The following AMELY variants were observed in gnomAD, a reference collection of about 807,000 sequenced individuals.
The protein encoded by AMELY is amelogenin Y-linked, also known as amelogenin, Y isoform.
AMELY carries 4 observed loss-of-function variants against 4.2 expected under a neutral mutation model. The ratio of observed to expected loss-of-function variants is 0.96; its 90% CI spans 0.47 to 2.19. The LOEUF is 2.19. Ranked by LOEUF, AMELY falls within the 30% of genes most tolerant of loss-of-function variation. The pLI is 0.02. For missense variants in AMELY, 32 were observed against 41.5 expected, an observed-to-expected ratio of 0.77 and a Z score of 0.63; for synonymous variants, 11 against 14.7, an observed-to-expected ratio of 0.75 and a Z score of 0.57.
chrY:6,892,401 C>G, intron 1 of AMELY, among the ~76,000 whole-genome samples: 3 of 33,267 alleles, frequency 9.0e-5, no homozygotes, highest in Non-Finnish European at 2.2e-4. Context: ...TTCTACCACC[C>G]ATTTAGGAGG....
At chrY:6,881,373 G>A (rs2054074863) in intron 1 of AMELY, among the ~76,000 whole-genome samples, 1 of 33,276 alleles carries the variant, frequency 3.0e-5, no homozygotes, top group South Asian at 6.8e-4. Context: ...ATGCAGAAAA[G>A]GCCTTCGACA....
intron 1 of AMELY, among the ~76,000 whole-genome samples, chrY:6,893,894 A>G (rs2054084898): frequency 3.0e-5 from 1 of 33,200 alleles, no homozygotes; most frequent in African/African-American, 1.2e-4. Context: ...TAGACTGTGT[A>G]CTACAAAAAA....
chrY:6,898,605 G>A (rs2054087363), intron 1 of AMELY, among the ~76,000 whole-genome samples: 1 of 33,266 alleles, frequency 3.0e-5, no homozygotes, highest in Non-Finnish European at 7.4e-5. Flanking sequence ...CCAGTTCAGC[G>A]ATTCAAATGC....
intron 1 of AMELY, among the ~76,000 whole-genome samples, 173 bp downstream of exon 1, chrY:6,911,500 C>G (rs924246131): frequency 2.9e-5 from 1 of 34,195 alleles, no homozygotes; most frequent in Admixed American, 2.5e-4. Flanking sequence ...CTAGGCGGCT[C>G]GGGCCCGCGG....
intron 1 of AMELY, among the ~76,000 whole-genome samples, chrY:6,878,600 G>C: frequency 6.0e-5 from 2 of 33,456 alleles, no homozygotes; most frequent in Non-Finnish European, 1.5e-4. Flanking sequence ...TGAGTGTCAA[G>C]TATTTCAGGC....
intron 1 of AMELY, among the ~76,000 whole-genome samples, chrY:6,885,253 G>C: frequency 9.1e-5 from 3 of 32,818 alleles, no homozygotes; most frequent in African/African-American, 3.5e-4. Flanking sequence ...GCCAAGGGGG[G>C]CGGATCACGA....
chrY:6,886,946 A>C (rs2054080454), intron 1 of AMELY, among the ~76,000 whole-genome samples: 2 of 33,879 alleles, frequency 5.9e-5, no homozygotes, highest in African/African-American at 2.3e-4. Flanking sequence ...AAGTCAATTA[A>C]GAAGAGTCTT....
chrY:6,894,716 G>A, intron 1 of AMELY, among the ~76,000 whole-genome samples: 1 of 33,511 alleles, frequency 3.0e-5, no homozygotes, highest in African/African-American at 1.2e-4. Flanking sequence ...AGCTGGATCA[G>A]CAGCCATCAG....
intron 1 of AMELY, among the ~76,000 whole-genome samples, chrY:6,891,625 T>G: frequency 3.0e-5 from 1 of 33,717 alleles, no homozygotes; most frequent in African/African-American, 1.2e-4. Flanking sequence ...TGACTTTCTC[T>G]TCCATAAGGT....
chrY:6,896,756 T>A, intron 1 of AMELY, among the ~76,000 whole-genome samples: 1 of 32,855 alleles, frequency 3.0e-5, no homozygotes, highest in Non-Finnish European at 7.5e-5. Context: ...AGGATTGAAG[T>A]AGGTGGGGAG....
chrY:6,886,668 C>G, intron 1 of AMELY, among the ~76,000 whole-genome samples: 1 of 33,050 alleles, frequency 3.0e-5, no homozygotes, highest in Non-Finnish European at 7.4e-5. Flanking sequence ...TGAAACCCAT[C>G]TCTTAAATAC....
At chrY:6,867,460 C>T in intron 6 of AMELY, among the ~76,000 whole-genome samples, 1 of 33,525 alleles carries the variant, frequency 3.0e-5, no homozygotes, top group African/African-American at 1.2e-4. Context: ...AAAGCTTAAT[C>T]ATCTATAGAA....
intron 1 of AMELY, among the ~76,000 whole-genome samples, chrY:6,903,829 G>A: frequency 2.9e-5 from 1 of 33,993 alleles, no homozygotes; most frequent in Non-Finnish European, 7.3e-5. Context: ...GTCTATTCCA[G>A]TGAGGACAAA....
At chrY:6,905,607 T>A in intron 1 of AMELY, among the ~76,000 whole-genome samples, 1 of 27,811 alleles carries the variant, frequency 3.6e-5, no homozygotes, top group Non-Finnish European at 8.4e-5. Flanking sequence ...TCCTTCTTTC[T>A]TTTTTGAGAC....
At chrY:6,877,964 T>TTGTG (rs749471604) in intron 1 of AMELY, among the ~76,000 whole-genome samples, 20 of 28,753 alleles carry the variant, frequency 7.0e-4, no homozygotes, top group African/African-American at 2.3e-3. Context: ...TCTCAAACAA[T>TTGTG]TGTGTGTGTG....
At chrY:6,868,920 A>C (rs2054065403) in intron 4 of AMELY, 144 bp from the exon 5 acceptor site, 1 of 231,962 alleles carries the variant, frequency 4.3e-6, no homozygotes, top group Non-Finnish European at 7.5e-6. Context: ...CTACAAGAGA[A>C]AGAAGAAGGT....
chrY:6,911,660 G>A lies in AMELY; in HGVS notation c.-113+13C>T, dbSNP rs2011695376. Among the ~76,000 whole-genome samples, 1 of 34,877 alleles carries A rather than the reference G, an allele frequency of 2.9e-5. No individual in the cohort carries two copies. The highest frequency in any genetic ancestry group is 1.1e-4 in the African/African-American group (1 of 8,986). 93.6% of individuals were successfully genotyped at this position (34,877 alleles called of 37,273 possible). On this transcript the variant is annotated intron_variant, in intron 1 of 6. Transcript: ENST00000651267. ...TTGGGGTCTGCAGAGCGGCGCCAGG[G>A]TAAAGCGCAGACCTGTTGATCCTAG...
intron 1 of AMELY, chrY:6,910,678 C>T: frequency 1.6e-5 from 1 of 62,270 alleles, no homozygotes; most frequent in Non-Finnish European, 3.1e-5. Context: ...GCAGCCGCCG[C>T]GCCCGCTCCA....
chrY:6,884,394 C>T lies in AMELY; in HGVS notation c.-112-10323G>A, dbSNP rs758918393. ...TGTATACCTATGCAAAAAACCTACA[C>T]GTTCTGCCCGTGTAATCCAGAGGTA... On this transcript the variant is annotated intron_variant, in intron 1 of 6. Coordinates refer to ENST00000651267, the MANE Select transcript of AMELY (RefSeq NM_001143.2). Among the ~76,000 whole-genome samples the T allele has an allele frequency of 2.8e-4, 9 of 31,931 alleles. No homozygotes were observed. In the South Asian group the frequency reaches 5.2e-3, roughly 18 times the overall value. 85.7% of individuals were successfully genotyped at this position (31,931 alleles called of 37,273 possible). A position where few individuals can be genotyped will look rare whatever the true frequency, so the allele number is the denominator to read the frequency against.
Sources: gnomAD v4.1 joint callset for allele counts (sites outside exome capture counted in the v4.1 genomes callset) on GRCh38, gnomAD v4.1.1 for gene constraint, MANE v1.5 for transcripts, NCBI Gene and HGNC (gene_info 2026-07-23, HGNC 2026-07-21) for gene names.